VOPP1: variants seen among roughly 807,000 people sequenced by gnomAD.
VOPP1 encodes WW domain binding protein VOPP1.
Under a neutral mutation model 23.5 loss-of-function variants are expected in VOPP1, and 8 were observed. That is an observed-to-expected ratio of 0.34 (90% CI 0.20 to 0.61). The LOEUF is 0.61. Ranked by LOEUF, VOPP1 falls within the 20% of genes least tolerant of loss-of-function variation. VOPP1 has a pLI of 0.78. For synonymous variants in VOPP1, 83 were observed against 97.3 expected (o/e 0.85, Z 0.86); for missense variants, 174 against 238.1 (o/e 0.73, Z 1.77).
chr7:55,456,847 T>G (rs1791379318), intron 4 of VOPP1, among the ~76,000 whole-genome samples: 1 of 152,134 alleles, frequency 6.6e-6, no homozygotes, highest in African/African-American at 2.4e-5. Context: ...ACACCTAATG[T>G]AGATGATGGG....
At chr7:55,439,692 G>A (rs780386963) in intron 4 of VOPP1, among the ~76,000 whole-genome samples, 68 of 152,228 alleles carry the variant, frequency 4.5e-4, no homozygotes, top group Non-Finnish European at 8.8e-4. Context: ...AACAGACACC[G>A]GTTGGCACAG....
At chr7:55,460,475 T>C (rs980318464) in intron 4 of VOPP1, among the ~76,000 whole-genome samples, 3 of 152,174 alleles carry the variant, frequency 2.0e-5, no homozygotes, top group African/African-American at 7.2e-5. Context: ...CTAGGTGATC[T>C]GTTAAAAATG....
At chr7:55,519,093 T>C (rs1795668801) in intron 2 of VOPP1, among the ~76,000 whole-genome samples, 1 of 152,230 alleles carries the variant, frequency 6.6e-6, no homozygotes, top group Non-Finnish European at 1.5e-5. Flanking sequence ...TGCCGGGGCC[T>C]GGAGTAAGTA....
chr7:55,511,354 T>C (rs79473523), intron 2 of VOPP1, among the ~76,000 whole-genome samples: 1,670 of 152,260 alleles, frequency 0.011, 11 homozygotes, highest in Middle Eastern at 0.02. Context: ...GCAAATTCAC[T>C]CCATGTAATA....
intron 3 of VOPP1, among the ~76,000 whole-genome samples, chr7:55,493,392 G>A (rs1051576777): frequency 3.3e-5 from 5 of 152,246 alleles, no homozygotes; most frequent in Non-Finnish European, 7.3e-5. Flanking sequence ...ACAGCAGAGC[G>A]GGTCGCAGTC....
intron 2 of VOPP1, among the ~76,000 whole-genome samples, chr7:55,519,451 G>A (rs1236133143): frequency 6.6e-6 from 1 of 152,130 alleles, no homozygotes; most frequent in East Asian, 1.9e-4. Context: ...GGAGAAATAG[G>A]GTTTTAAGGA....
At chr7:55,521,251 A>G (rs1562952208) in intron 1 of VOPP1, 121 bp from the exon 2 acceptor site, 1 of 1,014,620 alleles carries the variant, frequency 9.9e-7, no homozygotes, top group South Asian at 1.6e-5. Flanking sequence ...AAGCTGGGAT[A>G]TCGGGGCAGA....
chr7:55,435,777 G>A (rs897277681), downstream of VOPP1, among the ~76,000 whole-genome samples: 9 of 152,222 alleles, frequency 5.9e-5, no homozygotes, highest in South Asian at 2.1e-4. Context: ...TCCCTCTCCC[G>A]TTTGGAGGTG....
At chr7:55,495,381 G>A (rs1793880703) in intron 3 of VOPP1, among the ~76,000 whole-genome samples, 1 of 152,122 alleles carries the variant, frequency 6.6e-6, no homozygotes, top group Non-Finnish European at 1.5e-5. Context: ...CAAACGTTGT[G>A]GGGCCCAGGC....
At chr7:55,537,052 A>G (rs1407836376) in intron 1 of VOPP1, among the ~76,000 whole-genome samples, 1 of 152,180 alleles carries the variant, frequency 6.6e-6, no homozygotes, top group Non-Finnish European at 1.5e-5. Flanking sequence ...GGGAGGGGCC[A>G]GACATTTTCT....
intron 2 of VOPP1, chr7:55,515,956 G>A (rs1344988641): frequency 1.0e-6 from 1 of 985,210 alleles, no homozygotes; most frequent in African/African-American, 1.7e-5. Context: ...TCATCTCTGG[G>A]CTCCAGGAAG....
In VOPP1 at chr7:55,473,065, A is replaced by T; in HGVS notation, c.329-20T>A. 2 of 1,589,036 alleles carry T rather than the reference A, an allele frequency of 1.3e-6. No individual in the cohort carries two copies. ...GGGCTCCTGAAAGACAGACAAACATAGGTGAGCACAGAAGGGAAAGCCCCA... is the reference window on the plus strand; with the variant it reads ...GGGCTCCTGAAAGACAGACAAACATTGGTGAGCACAGAAGGGAAAGCCCCA... On this transcript the variant is annotated intron_variant, in intron 4 of 4. Transcript: ENST00000285279.
At chr7:55,478,048 A>G (rs1246652708) in intron 4 of VOPP1, among the ~76,000 whole-genome samples, 2 of 152,212 alleles carry the variant, frequency 1.3e-5, no homozygotes, top group African/African-American at 4.8e-5. Context: ...CACAAAGAAG[A>G]GCAACCGAGA....
chr7:55,458,628 A>C (rs1203478482), intron 4 of VOPP1, among the ~76,000 whole-genome samples: 1 of 152,078 alleles, frequency 6.6e-6, no homozygotes, highest in African/African-American at 2.4e-5. Context: ...CTTTTTGGTT[A>C]GATCCGAGGT....
chr7:55,456,051 C>G (rs1360537882), intron 4 of VOPP1, among the ~76,000 whole-genome samples: 1 of 152,052 alleles, frequency 6.6e-6, no homozygotes, highest in Non-Finnish European at 1.5e-5. Context: ...TACAATCTAT[C>G]CATCTGACAA....
chr7:55,527,106 G>C (rs1414318207), intron 1 of VOPP1: 1 of 152,212 alleles, frequency 6.6e-6, no homozygotes, highest in Non-Finnish European at 1.5e-5. Flanking sequence ...TCAATGCAGA[G>C]AGAAAATCTA....
At chr7:55,540,312 C>T (rs1440585386) in intron 1 of VOPP1, among the ~76,000 whole-genome samples, 1 of 151,740 alleles carries the variant, frequency 6.6e-6, no homozygotes, top group Non-Finnish European at 1.5e-5. Context: ...GCAGGAGAAT[C>T]ACTTTAACCC....
chr7:55,550,678 T>C (rs1282829705), intron 1 of VOPP1, among the ~76,000 whole-genome samples: 1 of 152,170 alleles, frequency 6.6e-6, no homozygotes, highest in Non-Finnish European at 1.5e-5. Context: ...TCGCGAAGGA[T>C]TATACAGCCG....
intron 1 of VOPP1, among the ~76,000 whole-genome samples, chr7:55,548,492 C>T (rs545914982): frequency 9.1e-4 from 139 of 152,222 alleles, no homozygotes; most frequent in Non-Finnish European, 1.8e-3. Flanking sequence ...GCATATCTGT[C>T]CTCACTTACA....
Sources: gnomAD v4.1 joint callset for allele counts (sites outside exome capture counted in the v4.1 genomes callset) on GRCh38, gnomAD v4.1.1 for gene constraint, MANE v1.5 for transcripts, NCBI Gene and HGNC (gene_info 2026-07-23, HGNC 2026-07-21) for gene names.